The following ALCAM variants were observed in gnomAD, a reference collection of about 807,000 sequenced individuals.
ALCAM encodes the protein CD166 antigen.
Under a neutral mutation model 70.9 loss-of-function variants are expected in ALCAM, and 30 were observed. The ratio of observed to expected loss-of-function variants is 0.42; its 90% CI spans 0.32 to 0.57. ALCAM has a LOEUF of 0.57. Ranked by LOEUF, ALCAM falls within the 20% of genes least tolerant of loss-of-function variation. The pLI, the probability that ALCAM is intolerant of heterozygous loss-of-function variation, is 0.11. For missense variants in ALCAM, 591 were observed against 695.1 expected, an observed-to-expected ratio of 0.85 and a Z score of 1.68; for synonymous variants, 249 against 242.5, an observed-to-expected ratio of 1.03 and a Z score of -0.25.
chr3:105,545,209 T>G lies in ALCAM; in HGVS notation c.992-14T>G. On this transcript the variant is annotated splice_polypyrimidine_tract_variant and intron_variant, in intron 8 of 15. Transcript: ENST00000306107. ...TTCAGAGTTAGCACTTTGAACAGAT[T>G]TTCTGCTTCACAGATTTGGATTTGT... is the stretch of plus-strand genomic sequence containing the variant. 1 of 1,544,064 alleles carries G rather than the reference T, an allele frequency of 6.5e-7. No homozygotes were observed. The highest frequency in any genetic ancestry group is 8.9e-7 in the Non-Finnish European group (1 of 1,117,368).
intron 1 of ALCAM, among the ~76,000 whole-genome samples, chr3:105,403,152 G>A (rs1438192256): frequency 1.3e-5 from 2 of 151,958 alleles, no homozygotes; most frequent in Non-Finnish European, 2.9e-5. Flanking sequence ...TCCCCATGTT[G>A]GCCAGGCTGG....
Position 105,534,940 on chromosome 3 carries a change from A to G in ALCAM, c.730+95A>G, listed in dbSNP as rs1219176488. 11 of 1,242,886 alleles carry G rather than the reference A, an allele frequency of 8.9e-6. No individual in the cohort carries two copies. In the East Asian group the frequency reaches 2.8e-4, roughly 32 times the overall value. The allele number at this position is 1,242,886 out of a possible 1,614,324, so 77.0% of individuals were successfully genotyped here. ...GAGGTCCCAATCCAATTACTCTTTG[A>G]ATTCTGCTTCCAGTCTGCACCCCAA... On this transcript the variant is annotated intron_variant, in intron 6 of 15. Coordinates refer to ENST00000306107, the MANE Select transcript of ALCAM (RefSeq NM_001627.4).
chr3:105,442,610 T>G (rs1475494266), intron 1 of ALCAM, among the ~76,000 whole-genome samples: 2 of 151,744 alleles, frequency 1.3e-5, no homozygotes, highest in African/African-American at 4.8e-5. Context: ...TGAAACCCCA[T>G]CTCTACTAAA....
chr3:105,526,887 C>T (rs1939718611), intron 3 of ALCAM, among the ~76,000 whole-genome samples: 2 of 152,116 alleles, frequency 1.3e-5, no homozygotes, highest in Admixed American at 6.6e-5. Context: ...CAACGTGCAC[C>T]GTGTACCATA....
intron 1 of ALCAM, among the ~76,000 whole-genome samples, chr3:105,501,948 GAT>G (rs1476119519): frequency 6.6e-6 from 1 of 152,216 alleles, no homozygotes; most frequent in Non-Finnish European, 1.5e-5. Context: ...CTTATCAATT[GAT>G]ATAGAGTTAG....
intron 1 of ALCAM, among the ~76,000 whole-genome samples, chr3:105,434,946 A>G (rs900972265): frequency 2.0e-5 from 3 of 152,184 alleles, no homozygotes; most frequent in Non-Finnish European, 4.4e-5. Flanking sequence ...ATGTGATTTA[A>G]GAGCAAGCCT....
intron 14 of ALCAM, among the ~76,000 whole-genome samples, chr3:105,562,034 T>C (rs899407385): frequency 1.3e-5 from 2 of 152,204 alleles, no homozygotes; most frequent in Non-Finnish European, 2.9e-5. Context: ...CAGGCTGATA[T>C]CACATAGCTC....
intron 1 of ALCAM, among the ~76,000 whole-genome samples, chr3:105,435,297 C>T (rs1238446262): frequency 2.6e-5 from 4 of 152,190 alleles, no homozygotes; most frequent in South Asian, 4.1e-4. Context: ...CAACAAAAAA[C>T]GTGTCTCCTA....
intron 6 of ALCAM, among the ~76,000 whole-genome samples, chr3:105,535,907 G>A (rs1020636055): frequency 4.0e-5 from 6 of 151,854 alleles, no homozygotes; most frequent in Non-Finnish European, 8.8e-5. Flanking sequence ...TGGTTCCCTA[G>A]GGCACAATAT....
rs1298317227 is a variant in ALCAM, at chr3:105,461,259, A to T, written c.74-58808A>T. Among the ~76,000 whole-genome samples, 8 of 151,942 alleles carry T rather than the reference A, an allele frequency of 5.3e-5. 1 individual carries two copies. In the East Asian group the frequency reaches 1.5e-3, roughly 29 times the overall value. On this transcript the variant is annotated intron_variant, in intron 1 of 15. Coordinates refer to ENST00000306107, the MANE Select transcript of ALCAM (RefSeq NM_001627.4). Reference sequence around the variant, plus strand: ...TGTGACCAAATTTGGTGTTTTTCCAAGAGAAACTGGAAAACTATATTTTTG... The same window carrying T: ...TGTGACCAAATTTGGTGTTTTTCCATGAGAAACTGGAAAACTATATTTTTG...
chr3:105,550,370 T>TA, intron 12 of ALCAM, 111 bp downstream of exon 12: 1 of 1,140,780 alleles, frequency 8.8e-7, no homozygotes, highest in Non-Finnish European at 1.2e-6. Flanking sequence ...AAGTTTTATT[T>TA]ATTTATTTTG....
At chr3:105,450,071 A>G (rs910644254) in intron 1 of ALCAM, among the ~76,000 whole-genome samples, 14 of 152,254 alleles carry the variant, frequency 9.2e-5, no homozygotes, top group African/African-American at 2.9e-4. Context: ...CTTTCTGGGC[A>G]CTGTTTCTTC....
intron 12 of ALCAM, 33 bp downstream of exon 12, chr3:105,550,292 AG>A: frequency 6.4e-7 from 1 of 1,572,268 alleles, no homozygotes; most frequent in Non-Finnish European, 8.6e-7. Flanking sequence ...TACAAAAGTA[AG>A]AAAATTTGAA....
chr3:105,465,981 C>G (rs1937719881), intron 1 of ALCAM, among the ~76,000 whole-genome samples: 1 of 151,452 alleles, frequency 6.6e-6, no homozygotes, highest in African/African-American at 2.4e-5. Context: ...ATGCTGGTTT[C>G]TAAATTGTCA....
intron 1 of ALCAM, among the ~76,000 whole-genome samples, chr3:105,477,074 C>A (rs190351453): frequency 1.3e-5 from 2 of 152,200 alleles, no homozygotes; most frequent in Non-Finnish European, 2.9e-5. Context: ...GATTCTGAGG[C>A]CTCCCCAGCC....
chr3:105,410,947 C>T (rs1256176473), intron 1 of ALCAM, among the ~76,000 whole-genome samples: 1 of 151,892 alleles, frequency 6.6e-6, no homozygotes, highest in Non-Finnish European at 1.5e-5. Context: ...TAAGGAATTC[C>T]ATATTTGGTT....
At chr3:105,407,291 C>T (rs1463985382) in intron 1 of ALCAM, among the ~76,000 whole-genome samples, 1 of 151,942 alleles carries the variant, frequency 6.6e-6, no homozygotes, top group East Asian at 1.9e-4. Context: ...AGATCAGTAT[C>T]CCTAATGAAC....
At chr3:105,412,078 AC>A (rs987030693) in intron 1 of ALCAM, among the ~76,000 whole-genome samples, 1 of 152,114 alleles carries the variant, frequency 6.6e-6, no homozygotes, top group African/African-American at 2.4e-5. Flanking sequence ...TAATGTCAGG[AC>A]TAATAGCATC....
intron 1 of ALCAM, among the ~76,000 whole-genome samples, chr3:105,491,293 C>T (rs991225726): frequency 6.6e-6 from 1 of 152,174 alleles, no homozygotes; most frequent in African/African-American, 2.4e-5. Context: ...TCCTAGGTCT[C>T]TGGGCCTATG....
Sources: gnomAD v4.1 joint callset for allele counts (sites outside exome capture counted in the v4.1 genomes callset) on GRCh38, gnomAD v4.1.1 for gene constraint, MANE v1.5 for transcripts, NCBI Gene and HGNC (gene_info 2026-07-23, HGNC 2026-07-21) for gene names.